ZPBP: variants seen among roughly 807,000 people sequenced by gnomAD.
The protein encoded by ZPBP is zona pellucida-binding protein 1.
In ZPBP, 26 loss-of-function variants were observed where a neutral mutation model predicts 44.8. The ratio of observed to expected loss-of-function variants is 0.58; its 90% confidence interval spans 0.43 to 0.81. The LOEUF (loss-of-function observed/expected upper bound fraction) is 0.81. Ranked by LOEUF, ZPBP falls within the 30% of genes least tolerant of loss-of-function variation. ZPBP has a pLI of 0.00. For missense variants in ZPBP, 409 were observed against 434.0 expected (o/e 0.94, Z 0.51); for synonymous variants, 174 against 153.2 (o/e 1.14, Z -1.00).
chr7:49,936,804 A>G (rs1170229255), downstream of ZPBP, among the ~76,000 whole-genome samples: 2 of 152,218 alleles, frequency 1.3e-5, no homozygotes, highest in Admixed American at 1.3e-4. Context: ...AAGAAATAAA[A>G]TAAAGGTTGT....
intron 6 of ZPBP, among the ~76,000 whole-genome samples, chr7:50,007,574 C>T (rs1798363491): frequency 6.6e-6 from 1 of 151,884 alleles, no homozygotes; most frequent in African/African-American, 2.4e-5. Context: ...AAGACAAAGA[C>T]TACATGAAAA....
Position 49,875,604 on chromosome 7 carries a change from G to T in ZPBP, n.510-25090C>A, listed in dbSNP as rs145282510. 1.5e-3 allele frequency among the ~76,000 whole-genome samples: 233 copies of T among 151,978 alleles called. 2 individuals are homozygous for T. Among genetic ancestry groups the T allele is most frequent in the African/African-American group, 5.4e-3 (222 of 41,458 alleles). ...TGCAGCTGCTGTGCTTTGCTAGGTG[G>T]AAACCCACCGCCTTCCAGTATCAGC... On this transcript the variant is annotated intron_variant and non_coding_transcript_variant, in intron 2 of 2. Coordinates refer to the ZPBP transcript ENST00000465922.
At chr7:49,999,238 G>A (rs1350200931) in intron 6 of ZPBP, among the ~76,000 whole-genome samples, 1 of 144,164 alleles carries the variant, frequency 6.9e-6, no homozygotes, top group Non-Finnish European at 1.5e-5. Context: ...GCATGTGTGT[G>A]TGTCTGTATA....
Position 50,058,103 on chromosome 7 carries a change from G to C in ZPBP, c.373C>G (p.Leu125Val). ...CTCTCCTCAAAATTTTGGAATACAAGGCTTCCTGTGGATGTTATTTGTGCA... is the reference window on the plus strand; with the variant it reads ...CTCTCCTCAAAATTTTGGAATACAACGCTTCCTGTGGATGTTATTTGTGCA... The part of the protein sequence containing the change: ...RTAQITSTGS[L>V]VFQNFEESMS... Residue 125 changes from leucine to valine, a missense_variant, in exon 4 of 8, where the codon CTT becomes GTT. By Grantham distance (32) the Leu-to-Val change is conservative. Transcript: ENST00000046087. 6.2e-7 allele frequency: 1 copy of C among 1,613,804 alleles called. No homozygotes were observed.
chr7:49,897,097 T>A (rs931789628), intron 2 of ZPBP, among the ~76,000 whole-genome samples: 3 of 151,714 alleles, frequency 2.0e-5, no homozygotes, highest in Non-Finnish European at 4.4e-5. Context: ...GGGTTTCACC[T>A]TGTTAGCCAG....
intron 2 of ZPBP, among the ~76,000 whole-genome samples, chr7:49,859,934 CATT>C (rs1454867341): frequency 6.6e-6 from 1 of 151,484 alleles, no homozygotes; most frequent in Non-Finnish European, 1.5e-5. Context: ...AATAAATAAA[CATT>C]ATTTATATAT....
chr7:49,989,267 T>C (rs1462410258), intron 6 of ZPBP, among the ~76,000 whole-genome samples: 2 of 151,734 alleles, frequency 1.3e-5, no homozygotes, highest in Non-Finnish European at 2.9e-5. Flanking sequence ...CTGTACGGGG[T>C]TCCTAACCTG....
At chr7:49,972,493 A>G (rs887061548) in intron 7 of ZPBP, among the ~76,000 whole-genome samples, 1 of 152,082 alleles carries the variant, frequency 6.6e-6, no homozygotes, top group Non-Finnish European at 1.5e-5. Flanking sequence ...AGTAACATTA[A>G]AAAGAATACA....
At chr7:49,951,466 A>G (rs1201572888) in intron 7 of ZPBP, among the ~76,000 whole-genome samples, 1 of 151,722 alleles carries the variant, frequency 6.6e-6, no homozygotes, top group Non-Finnish European at 1.5e-5. Context: ...AATGCTCAAC[A>G]TCATTACATC....
chr7:49,912,237 G>C (rs771806078), intron 1 of ZPBP: 4 of 1,596,910 alleles, frequency 2.5e-6, no homozygotes, highest in Non-Finnish European at 3.4e-6. Context: ...TTACTGATGT[G>C]AACATTCTAG....
intron 7 of ZPBP, among the ~76,000 whole-genome samples, chr7:49,953,983 G>A (rs939316615): frequency 6.6e-6 from 1 of 151,966 alleles, no homozygotes; most frequent in Non-Finnish European, 1.5e-5. Context: ...GGAATTCAAA[G>A]GGCACTAAAT....
At chr7:49,958,552 C>T (rs1795707492) in intron 7 of ZPBP, among the ~76,000 whole-genome samples, 1 of 152,108 alleles carries the variant, frequency 6.6e-6, no homozygotes, top group African/African-American at 2.4e-5. Flanking sequence ...CTTTCTTTGG[C>T]CATCATGAGA....
intron 2 of ZPBP, among the ~76,000 whole-genome samples, chr7:49,888,866 G>A (rs149663619): frequency 3.3e-5 from 5 of 152,124 alleles, no homozygotes; most frequent in East Asian, 1.9e-4. Flanking sequence ...AGCTGAGATC[G>A]CACCATCACA....
intron 2 of ZPBP, among the ~76,000 whole-genome samples, chr7:49,872,019 A>G (rs1192670347): frequency 6.6e-6 from 1 of 150,980 alleles, no homozygotes; most frequent in Non-Finnish European, 1.5e-5. Context: ...AAGAATGATG[A>G]AGTAATATAT....
chr7:49,919,065 A>T (rs1793883579), intron 1 of ZPBP: 1 of 151,626 alleles, frequency 6.6e-6, no homozygotes, highest in Non-Finnish European at 1.5e-5. Context: ...AAAAAAAAAA[A>T]AAAATCAGTG....
chr7:50,025,841 T>C (rs1799301147), intron 5 of ZPBP, among the ~76,000 whole-genome samples: 1 of 151,828 alleles, frequency 6.6e-6, no homozygotes, highest in Non-Finnish European at 1.5e-5. Flanking sequence ...ATAGAAAATG[T>C]GCAGCAAAAA....
At position 50,093,087 on chromosome 7, in the gene ZPBP, C is replaced by T. The variant is rs776541120; in HGVS notation, c.108G>A (p.Leu36=). The change falls in exon 1 of 8, where the codon CTG becomes CTA. Residue 36 remains leucine (L), a synonymous_variant. Transcript: ENST00000046087. The stretch of plus-strand genomic sequence containing the variant: ...CCTCACCTGATGAGGGCACCCGCAC[C>T]AGGAAGGCGGAGATAAAGAGGAGGA... ...AAILLFISAF[L]VRVPSSVGHL... 2 of 1,600,652 alleles carry T rather than the reference C, an allele frequency of 1.2e-6. No individual in the cohort carries two copies. The highest frequency in any genetic ancestry group is 1.7e-6 in the Non-Finnish European group (2 of 1,173,962).
At chr7:50,002,561 T>C (rs1402666054) in intron 6 of ZPBP, among the ~76,000 whole-genome samples, 1 of 152,128 alleles carries the variant, frequency 6.6e-6, no homozygotes, top group Non-Finnish European at 1.5e-5. Context: ...TCAGCATATG[T>C]ACAGAATCTT....
intron 1 of ZPBP, among the ~76,000 whole-genome samples, chr7:49,907,380 G>C (rs778643530): frequency 1.3e-5 from 2 of 152,064 alleles, no homozygotes; most frequent in Non-Finnish European, 2.9e-5. Flanking sequence ...AAAATATGCT[G>C]GCTCTAAGAA....
Sources: allele counts gnomAD v4.1 joint callset (sites outside exome capture counted in the v4.1 genomes callset), GRCh38; gene constraint gnomAD v4.1.1; transcripts MANE v1.5; gene names NCBI Gene and HGNC (gene_info 2026-07-23, HGNC 2026-07-21).